PRDM6: variants seen among roughly 807,000 people sequenced by gnomAD.
PRDM6 encodes PR/SET domain 6.
Under a neutral mutation model 60.8 loss-of-function variants are expected in PRDM6, and 25 were observed. The ratio of observed to expected loss-of-function variants is 0.41; its 90% CI spans 0.30 to 0.57. PRDM6 has a LOEUF of 0.57. PRDM6 is among the 20% of genes least tolerant of loss of function. The pLI, the probability that PRDM6 is intolerant of heterozygous loss-of-function variation, is 0.27. For missense variants in PRDM6, 839 were observed against 821.3 expected (o/e 1.02, Z -0.26); for synonymous variants, 407 against 357.4 (o/e 1.14, Z -1.57).
At chr5:123,163,539 A>T (rs1765681512) in intron 5 of PRDM6, among the ~76,000 whole-genome samples, 1 of 152,164 alleles carries the variant, frequency 6.6e-6, no homozygotes, top group African/African-American at 2.4e-5. Flanking sequence ...AGCAATTCCC[A>T]TGTTATTTTC....
At chr5:123,133,829 CAAA>C (rs35835120) in intron 3 of PRDM6, among the ~76,000 whole-genome samples, 2 of 136,046 alleles carry the variant, frequency 1.5e-5, no homozygotes. Flanking sequence ...GTTTATCAAT[CAAA>C]AAAAAAAAAA....
intron 3 of PRDM6, among the ~76,000 whole-genome samples, chr5:123,143,148 A>AGAGTGTGTGT (rs1491407263): frequency 6.9e-6 from 1 of 145,878 alleles, no homozygotes; most frequent in Non-Finnish European, 1.5e-5. Context: ...TAGTTTTTAA[A>AGAGTGTGTGT]GTGTGTGTGT....
chr5:123,100,268 G>A (rs536949277), intron 3 of PRDM6, among the ~76,000 whole-genome samples: 54 of 152,320 alleles, frequency 3.5e-4, no homozygotes, highest in Admixed American at 9.1e-4. Flanking sequence ...GGATTTGACC[G>A]TTGGTCTCTG....
At chr5:123,141,434 G>GA (rs1370675189) in intron 3 of PRDM6, among the ~76,000 whole-genome samples, 2 of 151,800 alleles carry the variant, frequency 1.3e-5, no homozygotes, top group Non-Finnish European at 2.9e-5. Flanking sequence ...CTGAGCTACA[G>GA]AAAAAAAGGT....
intron 3 of PRDM6, among the ~76,000 whole-genome samples, chr5:123,126,198 A>C (rs577723575): frequency 6.6e-6 from 1 of 152,178 alleles, no homozygotes; most frequent in African/African-American, 2.4e-5. Flanking sequence ...TTGTACATGC[A>C]TAAGTAGGCC....
intron 2 of PRDM6, among the ~76,000 whole-genome samples, chr5:123,093,265 G>A (rs144199949): frequency 5.5e-4 from 84 of 152,244 alleles, no homozygotes; most frequent in African/African-American, 1.8e-3. Context: ...TAAAAAGGGC[G>A]GGATGCGGGG....
chr5:123,091,424 C>A (rs779806506), intron 2 of PRDM6, among the ~76,000 whole-genome samples: 46 of 152,228 alleles, frequency 3.0e-4, no homozygotes, highest in Non-Finnish European at 6.3e-4. Flanking sequence ...TTACTCCCCT[C>A]TTCCTCCAAG....
At chr5:123,117,998 C>G (rs1480211433) in intron 3 of PRDM6, among the ~76,000 whole-genome samples, 2 of 152,162 alleles carry the variant, frequency 1.3e-5, no homozygotes, top group Non-Finnish European at 2.9e-5. Flanking sequence ...AAGACACAGT[C>G]CATGACTAGA....
chr5:123,127,657 A>G (rs1764722568), intron 3 of PRDM6, among the ~76,000 whole-genome samples: 1 of 152,038 alleles, frequency 6.6e-6, no homozygotes. Flanking sequence ...TTTTAGAGAA[A>G]TGCTATTCTA....
intron 5 of PRDM6, 44 bp downstream of exon 5, chr5:123,159,682 ATTTCAAAGCTAACT>A (rs1264003356): frequency 6.5e-7 from 1 of 1,536,384 alleles, no homozygotes; most frequent in Admixed American, 2.0e-5. Flanking sequence ...CAATATACCT[ATTTCAAAGCTAACT>A]TTTTAAGAGC....
intron 5 of PRDM6, among the ~76,000 whole-genome samples, chr5:123,169,428 C>T (rs531642301): frequency 1.2e-4 from 18 of 152,188 alleles, no homozygotes; most frequent in Non-Finnish European, 2.6e-4. Context: ...AGGGCCATCT[C>T]CCTCACACCC....
chr5:123,113,651 C>G (rs971889392), intron 3 of PRDM6, among the ~76,000 whole-genome samples: 13 of 152,250 alleles, frequency 8.5e-5, no homozygotes, highest in African/African-American at 2.6e-4. Context: ...TGCTTTCTGC[C>G]CCTTCTCACT....
At chr5:123,185,045 C>A (rs1474497327) in intron 7 of PRDM6, among the ~76,000 whole-genome samples, 1 of 152,142 alleles carries the variant, frequency 6.6e-6, no homozygotes, top group Admixed American at 6.5e-5. Context: ...CAAATTGTTC[C>A]ATTTGTGTAA....
At position 123,127,733 on chromosome 5, in the gene PRDM6, C is replaced by CTTTCTTTCT. The variant is rs1561833658; in HGVS notation, c.900+27774_900+27775insTCTTTCTTT. On this transcript the variant is annotated intron_variant, in intron 3 of 7. Transcript: ENST00000407847. ...TTCTCTTTCTTTCTTTCTTTCTTTCCTTCTTTCCTTTCTTTCCTTTCTTTC... is the reference window on the plus strand; with the variant it reads ...TTCTCTTTCTTTCTTTCTTTCTTTCCTTTCTTTCTTTCTTTCCTTTCTTTCCTTTCTTTC... 7.4e-3 allele frequency among the ~76,000 whole-genome samples: 1,046 copies of CTTTCTTTCT among 140,696 alleles called. 7 individuals are homozygous for CTTTCTTTCT. Among genetic ancestry groups the CTTTCTTTCT allele is most frequent in the Non-Finnish European group, 0.013 (805 of 64,148 alleles). 92.3% of individuals were successfully genotyped at this position (140,696 alleles called of 152,430 possible). A position where few individuals can be genotyped will look rare whatever the true frequency, so the allele number is the denominator to read the frequency against.
At position 123,099,148 on chromosome 5, in the gene PRDM6, A is replaced by G. The variant is rs1367989292; in HGVS notation, c.593-506A>G. ...AGCTGAATACCCAGACGACCAGTAT[A>G]GAATCTCTTCGAGACAGCAGATTGG... On this transcript the variant is annotated intron_variant, in intron 2 of 7. Transcript: ENST00000407847. The surrounding 1 kb of genome is among the most constrained non-coding windows in gnomAD (Gnocchi z 4.0). Among the ~76,000 whole-genome samples, 1 of 152,214 alleles carries G rather than the reference A, an allele frequency of 6.6e-6. No individual in the cohort carries two copies. Among genetic ancestry groups the G allele is most frequent in the African/African-American group, 2.4e-5 (1 of 41,448 alleles).
chr5:123,136,420 T>C (rs1277865023), intron 3 of PRDM6, among the ~76,000 whole-genome samples: 1 of 152,170 alleles, frequency 6.6e-6, no homozygotes, highest in African/African-American at 2.4e-5. Flanking sequence ...TTTTGCAAAG[T>C]AGACACCCGA....
At chr5:123,164,249 C>T (rs184106704) in intron 5 of PRDM6, among the ~76,000 whole-genome samples, 36 of 152,280 alleles carry the variant, frequency 2.4e-4, no homozygotes, top group African/African-American at 8.7e-4. Context: ...GGCTGTCAGG[C>T]TGTCTAAGTC....
intron 2 of PRDM6, among the ~76,000 whole-genome samples, chr5:123,094,717 C>T (rs1156369330): frequency 1.3e-5 from 2 of 152,088 alleles, no homozygotes; most frequent in Non-Finnish European, 2.9e-5. Context: ...GGAGCCAGCC[C>T]AGACCCGCTT....
At chr5:123,109,799 T>G (rs539874812) in intron 3 of PRDM6, among the ~76,000 whole-genome samples, 6 of 152,304 alleles carry the variant, frequency 3.9e-5, no homozygotes, top group African/African-American at 1.4e-4. Flanking sequence ...AGAACCAACT[T>G]GCAAGATGAA....
Sources: gnomAD v4.1 joint callset for allele counts (sites outside exome capture counted in the v4.1 genomes callset) on GRCh38, gnomAD v4.1.1 for gene constraint, Gnocchi (gnomAD v3.1) non-coding constraint, MANE v1.5 for transcripts, NCBI Gene and HGNC (gene_info 2026-07-23, HGNC 2026-07-21) for gene names.